ZMYM2: variants seen among roughly 807,000 people sequenced by gnomAD.
ZMYM2 encodes the protein zinc finger MYM-type protein 2.
ZMYM2 carries 56 observed loss-of-function variants against 162.8 expected under a neutral mutation model. That is an observed-to-expected ratio of 0.34 (90% CI 0.28 to 0.43). The LOEUF (loss-of-function observed/expected upper bound fraction) is 0.43. Among genes scored for constraint, ZMYM2 ranks in the 20% least tolerant of loss-of-function variants. The probability of loss-of-function intolerance (pLI) is 1.00; values close to 1 mark genes in which losing one functional copy is unlikely to be tolerated. For synonymous variants in ZMYM2, 510 were observed against 541.6 expected (o/e 0.94, Z 0.81); for missense variants, 1,275 against 1,621.8 (o/e 0.79, Z 3.67).
chr13:20,086,010 A>G lies in ZMYM2; in HGVS notation c.4130A>G (p.Asp1377Gly). The change falls in exon 25 of 25, where the codon GAC becomes GGC. Residue 1377 changes from aspartate (D) to glycine (G), a missense_variant. By Grantham distance (94) the Asp-to-Gly change is moderately conservative. This residue lies in a region of ZMYM2 where 69 missense variants were observed against 78.4 expected (regional missense o/e 0.88). Transcript: ENST00000610343. ...AATTATGAACTGGATGAAGACACAGACTAAAAAGGAACGTTGCAGAAGCAA... is the reference window on the plus strand; with the variant it reads ...AATTATGAACTGGATGAAGACACAGGCTAAAAAGGAACGTTGCAGAAGCAA... The part of the protein sequence containing the change: ...KDNYELDEDT[D>G] 6.2e-7 allele frequency: 1 copy of G among 1,613,018 alleles called. No homozygotes were observed. The highest frequency in any genetic ancestry group is 8.5e-7 in the Non-Finnish European group (1 of 1,179,510).
chr13:20,053,978 C>T (rs915372418), intron 14 of ZMYM2, among the ~76,000 whole-genome samples: 4 of 152,090 alleles, frequency 2.6e-5, no homozygotes, highest in African/African-American at 4.8e-5. Context: ...ACTATTAGCA[C>T]GATATTAAAT....
intron 2 of ZMYM2, among the ~76,000 whole-genome samples, chr13:19,987,111 CAAAAAAAAAAAAAA>C (rs58588019): frequency 2.4e-5 from 1 of 40,964 alleles, no homozygotes; most frequent in Admixed American, 3.8e-4. Context: ...GGCTCCGTCT[CAAAAAAAAAAAAAA>C]AAAAAAAAAA....
At chr13:20,046,017 G>A (rs1211130956) in intron 12 of ZMYM2, among the ~76,000 whole-genome samples, 1 of 148,098 alleles carries the variant, frequency 6.8e-6, no homozygotes, top group Non-Finnish European at 1.5e-5. Context: ...TGAGGTGGGA[G>A]AATCACTTGA....
At chr13:19,998,512 T>C (rs1950176930) in intron 3 of ZMYM2, among the ~76,000 whole-genome samples, 1 of 152,194 alleles carries the variant, frequency 6.6e-6, no homozygotes, top group Non-Finnish European at 1.5e-5. Flanking sequence ...TAATTTTTGA[T>C]TGGAGGCCTT....
At chr13:19,932,250 C>T in the ZMYM2 span, among the ~76,000 whole-genome samples, 6 of 152,150 alleles carry the variant, frequency 3.9e-5, no homozygotes, top group African/African-American at 1.4e-4. Flanking sequence ...AAAGCCCTAG[C>T]CCCAATGTGA....
the ZMYM2 span, among the ~76,000 whole-genome samples, chr13:19,880,207 TAAAG>T: frequency 1.3e-5 from 2 of 152,304 alleles, no homozygotes; most frequent in African/African-American, 4.8e-5. Flanking sequence ...ATTCCTATAA[TAAAG>T]ACACTCATAT....
intron 9 of ZMYM2, chr13:20,027,910 G>C (rs977904818): frequency 3.0e-5 from 5 of 169,158 alleles, no homozygotes; most frequent in African/African-American, 1.2e-4. Flanking sequence ...CCACTAGGAA[G>C]GAATAGTTTA....
the ZMYM2 span, among the ~76,000 whole-genome samples, chr13:19,875,739 A>G: frequency 3.2e-4 from 49 of 152,032 alleles, no homozygotes; most frequent in African/African-American, 1.2e-3. Context: ...AAAACCAAAT[A>G]CTGCGTGTTC....
Position 20,087,377 on chromosome 13 carries a change from G to A in ZMYM2, c.*1363G>A. 1 of 190,334 alleles carries A rather than the reference G, an allele frequency of 5.3e-6. No homozygotes were observed. The highest frequency in any genetic ancestry group is 8.3e-5 in the East Asian group (1 of 12,008). The allele number at this position is 190,334 out of a possible 1,614,324, so 11.8% of individuals were successfully genotyped here. On this transcript the variant is annotated 3_prime_UTR_variant, in exon 25 of 25. Transcript: ENST00000610343. ...CTACTTTCTAAAGACTGAACAAAGT[G>A]CTAGCTGCAAATTATCTTGAAATCA...
chr13:20,062,710 C>G (rs947022121), intron 17 of ZMYM2, 136 bp from the exon 18 acceptor site: 7 of 831,648 alleles, frequency 8.4e-6, no homozygotes, highest in Non-Finnish European at 1.2e-5. Context: ...ATATAATATG[C>G]CCTTTTCTTT....
At chr13:20,075,217 C>A (rs553892070) in intron 21 of ZMYM2, among the ~76,000 whole-genome samples, 1 of 152,280 alleles carries the variant, frequency 6.6e-6, no homozygotes, top group East Asian at 1.9e-4. Flanking sequence ...TTGCTCACAG[C>A]TGACAATAAA....
At position 20,056,252 on chromosome 13, in the gene ZMYM2, G is replaced by T. The variant is rs147742768; in HGVS notation, c.2494-2323G>T. ...TTTCCATTGGAGGTGGGACAAAAAAGCATGGATGATACCCAAAATATTCTG... is the reference window on the plus strand; with the variant it reads ...TTTCCATTGGAGGTGGGACAAAAAATCATGGATGATACCCAAAATATTCTG... On this transcript the variant is annotated intron_variant, in intron 14 of 24. Transcript: ENST00000610343. 3.4e-4 allele frequency among the ~76,000 whole-genome samples: 52 copies of T among 152,288 alleles called. 1 individual carries two copies. Among genetic ancestry groups the T allele is most frequent in the African/African-American group, 1.1e-3 (44 of 41,572 alleles).
chr13:20,073,719 G>A (rs1186443177), intron 21 of ZMYM2, among the ~76,000 whole-genome samples: 1 of 152,096 alleles, frequency 6.6e-6, no homozygotes, highest in Non-Finnish European at 1.5e-5. Flanking sequence ...TCTCTGGATT[G>A]CCTTTTATTA....
the ZMYM2 span, among the ~76,000 whole-genome samples, chr13:19,884,726 G>A: frequency 3.6e-4 from 55 of 152,038 alleles, no homozygotes; most frequent in African/African-American, 1.3e-3. Context: ...CAGAAAAAAA[G>A]ACACAAACTC....
the ZMYM2 span, among the ~76,000 whole-genome samples, chr13:19,885,895 A>ATACACACATATGTGTGTG: frequency 8.7e-6 from 1 of 114,782 alleles, no homozygotes; most frequent in East Asian, 2.8e-4. Context: ...ATATATGTGT[A>ATACACACATATGTGTGTG]TACACATATA....
At chr13:19,986,965 C>A (rs1949197541) in intron 2 of ZMYM2, among the ~76,000 whole-genome samples, 1 of 151,498 alleles carries the variant, frequency 6.6e-6, no homozygotes. Context: ...ATTAGCCGGT[C>A]ATGGTGGCTC....
the ZMYM2 span, chr13:19,864,240 G>C: frequency 6.5e-6 from 1 of 154,882 alleles, no homozygotes; most frequent in Non-Finnish European, 1.5e-5. Flanking sequence ...GCTGCGGTCA[G>C]TGGAGGCCCT....
At chr13:19,875,196 G>C in the ZMYM2 span, among the ~76,000 whole-genome samples, 1 of 152,052 alleles carries the variant, frequency 6.6e-6, no homozygotes, top group African/African-American at 2.4e-5. Flanking sequence ...GATCCTTTTG[G>C]AGTTCATGAG....
chr13:19,998,693 C>T lies in ZMYM2; in HGVS notation c.848-4157C>T, dbSNP rs74035456. On this transcript the variant is annotated intron_variant, in intron 3 of 24. Transcript: ENST00000610343. ...GTTTGGTGTGTTCTTGTTTTTGTTT[C>T]TCCAACTAAGGGGTATGAATACAGT... Among the ~76,000 whole-genome samples the T allele has an allele frequency of 6.3e-3, 959 of 152,180 alleles. 16 individuals carry two copies. Among genetic ancestry groups the T allele is most frequent in the African/African-American group, 0.022 (897 of 41,510 alleles).
Sources: allele counts gnomAD v4.1 joint callset (sites outside exome capture counted in the v4.1 genomes callset), GRCh38; gene constraint gnomAD v4.1.1; regional missense constraint gnomAD v4.1.1; transcripts MANE v1.5; gene names NCBI Gene and HGNC (gene_info 2026-07-23, HGNC 2026-07-21).